CRACD: variants seen among roughly 807,000 people sequenced by gnomAD.
CRACD encodes the protein capping protein-inhibiting regulator of actin dynamics.
CRACD carries 56 observed loss-of-function variants against 106.8 expected under a neutral mutation model. The observed-to-expected ratio is 0.52, with a 90% confidence interval of 0.42 to 0.66. The LOEUF is 0.66. Among genes scored for constraint, CRACD ranks in the 30% least tolerant of loss-of-function variants. The pLI, the probability that CRACD is intolerant of heterozygous loss-of-function variation, is 0.00. For synonymous variants in CRACD, 754 were observed against 670.8 expected (o/e 1.12, Z -1.92); for missense variants, 1,730 against 1,623.2 (o/e 1.07, Z -1.13).
chr4:56,206,204 A>G lies in CRACD; in HGVS notation c.-189+26774A>G, dbSNP rs183416352. On this transcript the variant is annotated intron_variant, in intron 2 of 10. Transcript: ENST00000682029. Reference sequence around the variant, plus strand: ...TGACCATGAAGAGCAGAGACTGAAAATAACAGTAGCATAAATAACATAATT... The same window carrying G: ...TGACCATGAAGAGCAGAGACTGAAAGTAACAGTAGCATAAATAACATAATT... Among the ~76,000 whole-genome samples, 343 of 152,362 alleles carry G rather than the reference A, an allele frequency of 2.3e-3. 1 individual carries two copies. The highest frequency in any genetic ancestry group is 8.1e-3 in the African/African-American group (335 of 41,584).
At chr4:56,116,286 T>C (rs1278561864) in intron 1 of CRACD, among the ~76,000 whole-genome samples, 1 of 152,126 alleles carries the variant, frequency 6.6e-6, no homozygotes, top group Admixed American at 6.6e-5. Context: ...AAAAAATAAA[T>C]GGAAGAATTT....
chr4:56,106,276 G>T (rs1733947199), intron 1 of CRACD, among the ~76,000 whole-genome samples: 1 of 152,180 alleles, frequency 6.6e-6, no homozygotes, highest in African/African-American at 2.4e-5. Context: ...TCCCCTGCAT[G>T]AGGCAGAAAC....
intron 2 of CRACD, among the ~76,000 whole-genome samples, chr4:56,260,341 CG>C (rs1560506600): frequency 1.3e-5 from 2 of 152,086 alleles, no homozygotes; most frequent in African/African-American, 4.8e-5. Flanking sequence ...TCTGGGGGAA[CG>C]GGTTAGTGTG....
intron 1 of CRACD, among the ~76,000 whole-genome samples, chr4:56,088,727 CT>C (rs749058870): frequency 8.8e-5 from 13 of 147,212 alleles, no homozygotes; most frequent in Admixed American, 1.4e-4. Flanking sequence ...ATATACTGTA[CT>C]TTTTTTTTTG....
chr4:56,267,734 T>TATATA (rs1200182797), intron 2 of CRACD, among the ~76,000 whole-genome samples: 1 of 152,196 alleles, frequency 6.6e-6, no homozygotes, highest in African/African-American at 2.4e-5. Context: ...CCCATGTCAT[T>TATATA]ATAAGTGCAC....
chr4:56,293,000 C>T (rs991525729), intron 3 of CRACD, among the ~76,000 whole-genome samples: 2 of 152,096 alleles, frequency 1.3e-5, no homozygotes, highest in Admixed American at 6.5e-5. Flanking sequence ...ATATAGTTTA[C>T]AGGATGGAGA....
chr4:56,184,724 C>T (rs551380264), intron 2 of CRACD, among the ~76,000 whole-genome samples: 46 of 152,196 alleles, frequency 3.0e-4, no homozygotes, highest in Non-Finnish European at 5.9e-4. Flanking sequence ...CTCGGCTTTT[C>T]ACAGGAAAGC....
intron 1 of CRACD, among the ~76,000 whole-genome samples, chr4:56,161,993 A>G (rs529242858): frequency 6.6e-6 from 1 of 151,908 alleles, no homozygotes; most frequent in Non-Finnish European, 1.5e-5. Context: ...CGAACTCCTG[A>G]CCTCAAGTGA....
chr4:56,057,049 ATTG>A (rs1224010012), intron 1 of CRACD, among the ~76,000 whole-genome samples: 3 of 152,254 alleles, frequency 2.0e-5, no homozygotes, highest in Non-Finnish European at 4.4e-5. Context: ...TGAATAAAAT[ATTG>A]TTAAAATTAA....
Position 56,328,620 on chromosome 4 carries a change from G to A in CRACD, c.*816G>A. On this transcript the variant is annotated 3_prime_UTR_variant, in exon 11 of 11. Coordinates refer to ENST00000682029, the MANE Select transcript of CRACD (RefSeq NM_001393381.1). ...TCTAGGGCAGTAGTTCTTATGATGT[G>A]TAGGCTCCCTCCTAGGGCCTACTCA... 1 of 322,814 alleles carries A rather than the reference G, an allele frequency of 3.1e-6. No individual in the cohort carries two copies. The highest frequency in any genetic ancestry group is 2.7e-5 in the South Asian group (1 of 36,596). 20.0% of individuals were successfully genotyped at this position (322,814 alleles called of 1,614,324 possible). A position where few individuals can be genotyped will look rare whatever the true frequency, so the allele number is the denominator to read the frequency against.
At chr4:56,165,447 G>A (rs1019257202) in intron 1 of CRACD, among the ~76,000 whole-genome samples, 1 of 152,136 alleles carries the variant, frequency 6.6e-6, no homozygotes, top group African/African-American at 2.4e-5. Flanking sequence ...TATCACCATT[G>A]CCATTTAAAG....
chr4:56,195,231 C>T (rs928211342), intron 2 of CRACD, among the ~76,000 whole-genome samples: 3 of 152,000 alleles, frequency 2.0e-5, no homozygotes, highest in African/African-American at 4.8e-5. Flanking sequence ...TTCCAGAATA[C>T]GGGAGTTTCC....
chr4:56,244,842 C>G (rs1740593348), intron 2 of CRACD, among the ~76,000 whole-genome samples: 1 of 152,216 alleles, frequency 6.6e-6, no homozygotes, highest in East Asian at 1.9e-4. Flanking sequence ...ACACATTTCC[C>G]ACATAGCCAT....
At chr4:56,197,590 A>G (rs1227822291) in intron 2 of CRACD, among the ~76,000 whole-genome samples, 2 of 152,096 alleles carry the variant, frequency 1.3e-5, no homozygotes, top group African/African-American at 2.4e-5. Flanking sequence ...GGCCCAGCAT[A>G]ATTTTCTGTG....
intron 2 of CRACD, among the ~76,000 whole-genome samples, chr4:56,215,172 G>A (rs944728202): frequency 2.0e-5 from 3 of 152,112 alleles, no homozygotes; most frequent in African/African-American, 7.2e-5. Flanking sequence ...ACCACACTCA[G>A]CTAATTTTTT....
At chr4:56,304,012 A>C (rs1744520205) in intron 4 of CRACD, among the ~76,000 whole-genome samples, 1 of 152,222 alleles carries the variant, frequency 6.6e-6, no homozygotes, top group African/African-American at 2.4e-5. Flanking sequence ...AAAAGGCAAC[A>C]GCATGATGCT....
At chr4:56,083,975 T>C (rs1026462568) in intron 1 of CRACD, among the ~76,000 whole-genome samples, 1 of 152,086 alleles carries the variant, frequency 6.6e-6, no homozygotes, top group African/African-American at 2.4e-5. Context: ...AGACCTTATC[T>C]CAAAAAATAT....
intron 1 of CRACD, among the ~76,000 whole-genome samples, chr4:56,072,275 A>G (rs978892326): frequency 3.9e-5 from 6 of 152,154 alleles, no homozygotes; most frequent in South Asian, 2.1e-4. Context: ...AAGGCTTTCT[A>G]CCTTTCGTGC....
intron 1 of CRACD, among the ~76,000 whole-genome samples, chr4:56,133,474 C>A (rs1199404195): frequency 6.6e-6 from 1 of 152,120 alleles, no homozygotes; most frequent in Non-Finnish European, 1.5e-5. Flanking sequence ...TCAATTGTCA[C>A]CCAACAAATA....
Sources: gnomAD v4.1 joint callset for allele counts (sites outside exome capture counted in the v4.1 genomes callset) on GRCh38, gnomAD v4.1.1 for gene constraint, MANE v1.5 for transcripts, NCBI Gene and HGNC (gene_info 2026-07-23, HGNC 2026-07-21) for gene names.